The following CFDP1 variants were observed in gnomAD, a reference collection of about 807,000 sequenced individuals.
CFDP1 encodes the protein chromatin remodeling protein CFDP1.
A neutral mutation model predicts 40.1 loss-of-function variants in CFDP1; 31 were observed. That is an observed-to-expected ratio of 0.77 (90% CI 0.58 to 1.04). The LOEUF is 1.04. Ranked by LOEUF, CFDP1 falls within the 50% of genes least tolerant of loss-of-function variation. The pLI, the probability that CFDP1 is intolerant of heterozygous loss-of-function variation, is 0.00. For missense variants in CFDP1, 423 were observed against 343.4 expected (o/e 1.23, Z -1.83); for synonymous variants, 167 against 120.0 (o/e 1.39, Z -2.56).
At chr16:75,402,735 ATC>A (rs1237615030) in intron 4 of CFDP1, among the ~76,000 whole-genome samples, 4 of 152,212 alleles carry the variant, frequency 2.6e-5, no homozygotes, top group African/African-American at 2.4e-5. Flanking sequence ...ACAAATTTGT[ATC>A]TGTTATCAAT....
chr16:75,399,894 G>A (rs1040534873), intron 4 of CFDP1, among the ~76,000 whole-genome samples: 3 of 152,048 alleles, frequency 2.0e-5, no homozygotes, highest in African/African-American at 7.2e-5. Context: ...CTGAGGTTGG[G>A]AGTTCGAGAC....
intron 5 of CFDP1, among the ~76,000 whole-genome samples, chr16:75,384,108 A>G (rs935004716): frequency 4.6e-5 from 7 of 152,192 alleles, no homozygotes; most frequent in Admixed American, 2.0e-4. Flanking sequence ...CACATCTGTA[A>G]TCCTAGCACT....
At chr16:75,358,643 T>G (rs2078661755) in intron 5 of CFDP1, among the ~76,000 whole-genome samples, 1 of 152,168 alleles carries the variant, frequency 6.6e-6, no homozygotes, top group South Asian at 2.1e-4. Context: ...ACACCATTTT[T>G]ACCTGAAAAA....
chr16:75,315,331 CAAAAAAAAAAAAAAAA>C (rs758174791), intron 5 of CFDP1, among the ~76,000 whole-genome samples: 7 of 47,796 alleles, frequency 1.5e-4, no homozygotes, highest in Non-Finnish European at 2.4e-4. Flanking sequence ...GACCCTATCT[CAAAAAAAAAAAAAAAA>C]AAAAAAAAAA....
intron 5 of CFDP1, among the ~76,000 whole-genome samples, chr16:75,342,696 T>A (rs2078535346): frequency 6.6e-6 from 1 of 152,212 alleles, no homozygotes; most frequent in South Asian, 2.1e-4. Flanking sequence ...TATTTTGAGG[T>A]TAGGTGGCTA....
At chr16:75,348,746 AC>A (rs2078587682) in intron 5 of CFDP1, among the ~76,000 whole-genome samples, 1 of 152,194 alleles carries the variant, frequency 6.6e-6, no homozygotes, top group African/African-American at 2.4e-5. Flanking sequence ...AAATGTCTTT[AC>A]TCAGAACTCA....
At chr16:75,384,490 GTCT>G (rs2078876438) in intron 5 of CFDP1, among the ~76,000 whole-genome samples, 1 of 152,136 alleles carries the variant, frequency 6.6e-6, no homozygotes. Flanking sequence ...ATGGAAACTG[GTCT>G]TCTCACATAA....
chr16:75,365,669 TCACTA>T (rs1217511276), intron 5 of CFDP1, among the ~76,000 whole-genome samples: 4 of 152,054 alleles, frequency 2.6e-5, no homozygotes, highest in Non-Finnish European at 5.9e-5. Flanking sequence ...CCGCTGTGCC[TCACTA>T]TACTCCAGCT....
At chr16:75,330,962 T>TAAAAAA (rs11333509) in intron 5 of CFDP1, among the ~76,000 whole-genome samples, 2 of 127,692 alleles carry the variant, frequency 1.6e-5, no homozygotes, top group African/African-American at 3.1e-5. Flanking sequence ...TTCCAATTAT[T>TAAAAAA]AAAAAAAAAA....
intron 5 of CFDP1, among the ~76,000 whole-genome samples, chr16:75,375,575 T>C (rs566962802): frequency 1.3e-5 from 2 of 152,132 alleles, no homozygotes; most frequent in South Asian, 4.2e-4. Context: ...GTGGATCACC[T>C]CAGGTCAGGA....
intron 1 of CFDP1, among the ~76,000 whole-genome samples, chr16:75,428,433 G>A (rs916589357): frequency 3.3e-5 from 5 of 152,008 alleles, no homozygotes; most frequent in Non-Finnish European, 2.9e-5. Context: ...GACCAACAAG[G>A]TGAAGCCCCG....
At chr16:75,349,680 A>ATATATATATATAT (rs59380218) in intron 5 of CFDP1, among the ~76,000 whole-genome samples, 19 of 6,666 alleles carry the variant, frequency 2.9e-3, no homozygotes, top group Admixed American at 7.9e-3. Flanking sequence ...AAAAAAAAAA[A>ATATATATATATAT]AAAAAAAAAA....
At chr16:75,397,809 AT>A (rs929395442) in intron 4 of CFDP1, among the ~76,000 whole-genome samples, 16 of 152,070 alleles carry the variant, frequency 1.1e-4, no homozygotes, top group Non-Finnish European at 1.9e-4. Context: ...GTCTCAAAAA[AT>A]AAATAAATAA....
At chr16:75,360,501 A>T (rs7185640) in intron 5 of CFDP1, among the ~76,000 whole-genome samples, 1 of 151,990 alleles carries the variant, frequency 6.6e-6, no homozygotes, top group South Asian at 2.1e-4. Flanking sequence ...GGTCCAAAAC[A>T]GGTTTTTGTA....
chr16:75,297,820 T>C, intron 6 of CFDP1, among the ~76,000 whole-genome samples: 1 of 152,186 alleles, frequency 6.6e-6, no homozygotes, highest in East Asian at 1.9e-4. Flanking sequence ...AAATTATTTA[T>C]CTGCCACCAA....
At chr16:75,361,573 T>A (rs931261653) in intron 5 of CFDP1, among the ~76,000 whole-genome samples, 1 of 152,018 alleles carries the variant, frequency 6.6e-6, no homozygotes, top group African/African-American at 2.4e-5. Context: ...GCTGAGATCA[T>A]GCCACTGCAC....
intron 5 of CFDP1, among the ~76,000 whole-genome samples, chr16:75,328,134 T>C (rs1005550645): frequency 1.3e-5 from 2 of 149,714 alleles, no homozygotes; most frequent in Admixed American, 6.7e-5. Context: ...AAAACAGGAA[T>C]TGGTACTTGA....
intron 5 of CFDP1, among the ~76,000 whole-genome samples, chr16:75,361,515 G>A (rs2151532033): frequency 6.6e-6 from 1 of 152,176 alleles, no homozygotes; most frequent in East Asian, 1.9e-4. Context: ...TACTCAGGAG[G>A]CTGAGGCATG....
chr16:75,364,143 A>G (rs2078698288), intron 5 of CFDP1, among the ~76,000 whole-genome samples: 1 of 107,402 alleles, frequency 9.3e-6, no homozygotes, highest in Admixed American at 1.2e-4. Flanking sequence ...AACAAAACAA[A>G]CAAACAAACA....
Sources: gnomAD v4.1 joint callset for allele counts (sites outside exome capture counted in the v4.1 genomes callset) on GRCh38, gnomAD v4.1.1 for gene constraint, MANE v1.5 for transcripts, NCBI Gene and HGNC (gene_info 2026-07-23, HGNC 2026-07-21) for gene names.